POLR1E: variants seen among roughly 807,000 people sequenced by gnomAD.
POLR1E encodes the protein RNA polymerase I subunit E, also known as DNA-directed RNA polymerase I subunit RPA49.
In POLR1E, 37 loss-of-function variants were observed where a neutral mutation model predicts 50.9. That is an observed-to-expected ratio of 0.73 (90% CI 0.56 to 0.96). The LOEUF is 0.96. Among genes scored for constraint, POLR1E ranks in the 40% least tolerant of loss-of-function variants. The pLI, the probability that POLR1E is intolerant of heterozygous loss-of-function variation, is 0.00. For synonymous variants in POLR1E, 166 were observed against 191.6 expected (o/e 0.87, Z 1.10); for missense variants, 426 against 518.1 (o/e 0.82, Z 1.73).
At position 37,485,994 on chromosome 9, in the gene POLR1E, G is replaced by T. The variant is rs748571251; in HGVS notation, c.-54G>T. On this transcript the variant is annotated 5_prime_UTR_variant, in exon 1 of 12. Coordinates refer to ENST00000377798, the MANE Select transcript of POLR1E (RefSeq NM_022490.4). ...CCTGGGCTCCCGCGTGTTTAAAAGT[G>T]CGCTTGTGGCTGCTGCTGTCTTAAC... The T allele has an allele frequency of 5.1e-4, 799 of 1,570,560 alleles. 1 individual carries two copies. Among genetic ancestry groups the T allele is most frequent in the Non-Finnish European group, 6.5e-4 (749 of 1,157,956 alleles).
chr9:37,496,539 A>T (rs1043632682), intron 8 of POLR1E, among the ~76,000 whole-genome samples: 1 of 151,076 alleles, frequency 6.6e-6, no homozygotes, highest in Middle Eastern at 3.2e-3. Context: ...AAGAGTTGTC[A>T]ATCTGAGGTT....
intron 4 of POLR1E, chr9:37,490,734 G>A (rs574349302): frequency 4.9e-4 from 327 of 667,952 alleles, no homozygotes; most frequent in Non-Finnish European, 7.6e-4. Context: ...TAACACTTGA[G>A]GGGCATTCCT....
intron 10 of POLR1E, among the ~76,000 whole-genome samples, chr9:37,501,283 A>G (rs1820883434): frequency 6.6e-6 from 1 of 152,252 alleles, no homozygotes; most frequent in African/African-American, 2.4e-5. Flanking sequence ...CTCTGGGGAA[A>G]GACCCGCAGG....
intron 4 of POLR1E, among the ~76,000 whole-genome samples, chr9:37,491,378 C>T (rs1820681225): frequency 6.6e-6 from 1 of 152,102 alleles, no homozygotes; most frequent in Admixed American, 6.6e-5. Context: ...TGAGAATCTG[C>T]TAAGGACCTG....
In POLR1E at chr9:37,495,163, G is replaced by A; in HGVS notation, c.548-6G>A. On this transcript the variant is annotated splice_polypyrimidine_tract_variant and splice_region_variant and intron_variant, in intron 6 of 11. Transcript: ENST00000377798. ...GTGATACATGGATTGTTTCTTTATT[G>A]AAAAGCTCTGGTCAGCGATGCTATC... is the stretch of plus-strand genomic sequence containing the variant. 1 of 1,610,858 alleles carries A rather than the reference G, an allele frequency of 6.2e-7. No individual in the cohort carries two copies. The highest frequency in any genetic ancestry group is 8.5e-7 in the Non-Finnish European group (1 of 1,177,142).
chr9:37,501,028 G>GCA, intron 10 of POLR1E, 107 bp downstream of exon 10: 1 of 1,096,450 alleles, frequency 9.1e-7, no homozygotes, highest in Non-Finnish European at 1.3e-6. Flanking sequence ...GAGATGCAGT[G>GCA]CTGAAAAGAC....
intron 11 of POLR1E, 108 bp downstream of exon 11, chr9:37,501,952 T>G: frequency 8.2e-7 from 1 of 1,214,552 alleles, no homozygotes; most frequent in Non-Finnish European, 1.1e-6. Flanking sequence ...TGTTTAAATG[T>G]GGGAACAACT....
intron 8 of POLR1E, among the ~76,000 whole-genome samples, chr9:37,496,765 G>C (rs1458185370): frequency 6.6e-6 from 1 of 151,784 alleles, no homozygotes; most frequent in Non-Finnish European, 1.5e-5. Context: ...CTGAGTCCCC[G>C]AACTCTGCCC....
rs940089846 is a variant in POLR1E at position 37,497,711 on chromosome 9, C to T, written c.753-380C>T. Among the ~76,000 whole-genome samples, 3 of 152,314 alleles carry T rather than the reference C, an allele frequency of 2.0e-5. No homozygotes were observed. In the East Asian group the frequency reaches 5.8e-4, roughly 29 times the overall value. ...TCATCCCTGCACTGAACCATGTTCT[C>T]CTATTATAAGGAGTGTTGAGTGTAC... On this transcript the variant is annotated intron_variant, in intron 8 of 11. Coordinates refer to ENST00000377798, the MANE Select transcript of POLR1E (RefSeq NM_022490.4).
At chr9:37,498,994 T>G (rs893012143) in intron 9 of POLR1E, among the ~76,000 whole-genome samples, 1 of 152,244 alleles carries the variant, frequency 6.6e-6, no homozygotes, top group African/African-American at 2.4e-5. Context: ...CTAGGCTATA[T>G]GCTATAAGCT....
chr9:37,486,226 G>T, intron 1 of POLR1E, 103 bp downstream of exon 1: 1 of 1,414,928 alleles, frequency 7.1e-7, no homozygotes, highest in South Asian at 1.4e-5. Context: ...CCCCAGCGGG[G>T]CCGGGACCCC....
At chr9:37,497,615 C>T (rs1820807993) in intron 8 of POLR1E, among the ~76,000 whole-genome samples, 1 of 152,214 alleles carries the variant, frequency 6.6e-6, no homozygotes, top group South Asian at 2.1e-4. Context: ...ACTACGATGG[C>T]AGAGTCAAGT....
intron 8 of POLR1E, among the ~76,000 whole-genome samples, chr9:37,496,619 A>T (rs1210975427): frequency 0.025 from 1,278 of 50,226 alleles, 26 homozygotes; most frequent in African/African-American, 0.086. Context: ...TATTATTATT[A>T]TTTCTTTTTT....
chr9:37,490,834 T>A (rs1820670306), intron 4 of POLR1E: 2 of 581,988 alleles, frequency 3.4e-6, no homozygotes, highest in Non-Finnish European at 6.5e-6. Flanking sequence ...CTCCATGTTT[T>A]CTAAAAGGTC....
chr9:37,487,139 T>G (rs1225131494), intron 2 of POLR1E, among the ~76,000 whole-genome samples: 1 of 152,196 alleles, frequency 6.6e-6, no homozygotes, highest in Non-Finnish European at 1.5e-5. Context: ...GGCCAATAAT[T>G]CTTTGCTGTG....
intron 10 of POLR1E, 138 bp from the exon 11 acceptor site, chr9:37,501,575 C>A (rs1588807986): frequency 1.9e-6 from 2 of 1,060,962 alleles, no homozygotes; most frequent in East Asian, 5.1e-5. Flanking sequence ...GCAAAGTCAC[C>A]CACATTCCTT....
Position 37,500,847 on chromosome 9 carries a change from G to A in POLR1E, c.894G>A (p.Leu298=), listed in dbSNP as rs1564326252. 3.1e-6 allele frequency: 5 copies of A among 1,612,832 alleles called. No individual in the cohort carries two copies. The highest frequency in any genetic ancestry group is 4.2e-6 in the Non-Finnish European group (5 of 1,178,824). ...AHRVVKRKSA[L]GPGVPHIINT... The stretch of plus-strand genomic sequence containing the variant: ...CTCAACTTTGTGTTGTAGGTGCTCT[G>A]GGACCTGGAGTTCCCCACATCATCA... Residue 298 remains leucine, a synonymous_variant, in exon 10 of 12, where the codon CTG becomes CTA. Transcript: ENST00000377798.
rs752555496 is a variant in POLR1E at position 37,487,907 on chromosome 9, G to A, written c.225G>A (p.Gly75=). 2.5e-6 allele frequency: 4 copies of A among 1,614,180 alleles called. No individual in the cohort carries two copies. Among genetic ancestry groups the A allele is most frequent in the Admixed American group, 3.3e-5 (2 of 60,026 alleles). The change falls in exon 3 of 12, where the codon GGG becomes GGA. Residue 75 remains glycine (G), a synonymous_variant. Transcript: ENST00000377798. ...TCTCCTATGTGGGAAACAATTTTGG[G>A]ACTGGAGCCCTCAAATGCAACACTT... is the stretch of plus-strand genomic sequence containing the variant. The part of the protein sequence containing the change: ...DRLSYVGNNF[G]TGALKCNTLC...
intron 7 of POLR1E, 114 bp from the exon 8 acceptor site, chr9:37,495,776 G>A: frequency 1.3e-6 from 1 of 745,368 alleles, no homozygotes; most frequent in South Asian, 1.6e-5. Context: ...TGCCCTGTGT[G>A]ATCTTTGGCT....
Sources: gnomAD v4.1 joint callset for allele counts (sites outside exome capture counted in the v4.1 genomes callset) on GRCh38, gnomAD v4.1.1 for gene constraint, MANE v1.5 for transcripts, NCBI Gene and HGNC (gene_info 2026-07-23, HGNC 2026-07-21) for gene names.